RAB38: variants seen among roughly 807,000 people sequenced by gnomAD.
The protein encoded by RAB38 is RAB38, member RAS oncogene family, also known as ras-related protein Rab-38.
A neutral mutation model predicts 18.4 loss-of-function variants in RAB38; 15 were observed. The observed-to-expected ratio is 0.82, with a 90% CI of 0.55 to 1.26. The LOEUF is 1.26. RAB38 is among the 50% of genes most tolerant of loss of function. RAB38 has a pLI of 0.00. For missense variants in RAB38, 294 were observed against 267.4 expected (o/e 1.10, Z -0.69); for synonymous variants, 101 against 104.4 (o/e 0.97, Z 0.20).
At chr11:87,937,311 C>CATATATAT in the RAB38 span, among the ~76,000 whole-genome samples, 1,446 of 82,334 alleles carry the variant, frequency 0.018, 62 homozygotes, top group African/African-American at 0.024. Flanking sequence ...ACTTGGTCAT[C>CATATATAT]ATATATATAT....
chr11:88,168,153 T>C lies in RAB38; in HGVS notation c.202+7030A>G, dbSNP rs140180063. Among the ~76,000 whole-genome samples the C allele has an allele frequency of 1.8e-3, 281 of 152,318 alleles. 5 individuals are homozygous for C. In the East Asian group the frequency reaches 0.033, roughly 18 times the overall value. On this transcript the variant is annotated intron_variant, in intron 1 of 2. Transcript: ENST00000243662. ...TGTACCAGGTGTCATGTTCTACTTA[T>C]GCTTGGCCCAGCTTCCTCATCTATG...
the RAB38 span, among the ~76,000 whole-genome samples, chr11:88,008,671 G>A: frequency 6.6e-6 from 1 of 152,232 alleles, no homozygotes; most frequent in East Asian, 1.9e-4. Context: ...TGATATAACA[G>A]TTTCTTTTCT....
the RAB38 span, chr11:88,061,612 A>C: frequency 6.6e-6 from 1 of 152,152 alleles, no homozygotes; most frequent in Non-Finnish European, 1.5e-5. Context: ...CAATGGAAAG[A>C]AATTTTTTTT....
At chr11:88,022,611 C>CCAAAAA in the RAB38 span, among the ~76,000 whole-genome samples, 47 of 52,092 alleles carry the variant, frequency 9.0e-4, no homozygotes, top group African/African-American at 3.4e-3. Flanking sequence ...AAAGACCCCA[C>CCAAAAA]AAAAAAAAAA....
chr11:87,976,072 T>C, the RAB38 span, among the ~76,000 whole-genome samples: 1 of 150,546 alleles, frequency 6.6e-6, no homozygotes, highest in Non-Finnish European at 1.5e-5. Flanking sequence ...AACAAAAAAT[T>C]TCCCCCTCAA....
At chr11:88,043,676 T>C in the RAB38 span, among the ~76,000 whole-genome samples, 1 of 118,372 alleles carries the variant, frequency 8.4e-6, no homozygotes, top group Non-Finnish European at 1.7e-5. Flanking sequence ...TCTTATAAAA[T>C]GTCCCCACCC....
At chr11:88,107,829 C>A in the RAB38 span, among the ~76,000 whole-genome samples, 26 of 152,270 alleles carry the variant, frequency 1.7e-4, no homozygotes, top group Admixed American at 1.1e-3. Context: ...TCTTTGTTCT[C>A]ATTGGTTTCA....
the RAB38 span, among the ~76,000 whole-genome samples, chr11:88,015,814 C>G: frequency 6.6e-6 from 1 of 152,038 alleles, no homozygotes; most frequent in Non-Finnish European, 1.5e-5. Context: ...GGCTTTGGAG[C>G]CTTTGCATGA....
the RAB38 span, among the ~76,000 whole-genome samples, chr11:88,012,687 G>A: frequency 5.3e-5 from 8 of 152,116 alleles, no homozygotes; most frequent in South Asian, 2.1e-4. Context: ...ACAGCAATAA[G>A]CCTCTGAAAA....
the RAB38 span, among the ~76,000 whole-genome samples, chr11:88,075,486 A>C: frequency 6.6e-6 from 1 of 152,202 alleles, no homozygotes; most frequent in African/African-American, 2.4e-5. Context: ...AGTTTCTGAA[A>C]CAAATGAAAA....
At chr11:87,864,733 C>T in the RAB38 span, among the ~76,000 whole-genome samples, 1 of 151,736 alleles carries the variant, frequency 6.6e-6, no homozygotes, top group Non-Finnish European at 1.5e-5. Flanking sequence ...CTCAACACTA[C>T]ATGGGTGAAA....
At chr11:87,937,311 C>CATATATATATATAT in the RAB38 span, among the ~76,000 whole-genome samples, 270 of 82,622 alleles carry the variant, frequency 3.3e-3, 13 homozygotes, top group African/African-American at 4.1e-3. Flanking sequence ...ACTTGGTCAT[C>CATATATATATATAT]ATATATATAT....
the RAB38 span, among the ~76,000 whole-genome samples, chr11:87,837,036 T>A: frequency 6.6e-6 from 1 of 152,214 alleles, no homozygotes; most frequent in African/African-American, 2.4e-5. Context: ...AGATATCAAG[T>A]AATCCTCTTC....
chr11:88,145,185 A>C (rs12285001), intron 2 of RAB38, among the ~76,000 whole-genome samples: 2 of 151,328 alleles, frequency 1.3e-5, no homozygotes, highest in Non-Finnish European at 2.9e-5. Context: ...GTTTTGCTCA[A>C]GTCGCCCAGG....
chr11:87,907,221 T>A, the RAB38 span, among the ~76,000 whole-genome samples: 1 of 151,944 alleles, frequency 6.6e-6, no homozygotes, highest in African/African-American at 2.4e-5. Context: ...CTGTATATTG[T>A]CAAACAAAAA....
At chr11:88,039,895 A>G in the RAB38 span, among the ~76,000 whole-genome samples, 1 of 152,178 alleles carries the variant, frequency 6.6e-6, no homozygotes, top group East Asian at 1.9e-4. Flanking sequence ...TCTTTGCTGC[A>G]TCTGATCAGG....
chr11:87,909,385 C>T, the RAB38 span, among the ~76,000 whole-genome samples: 23 of 152,088 alleles, frequency 1.5e-4, no homozygotes, highest in South Asian at 4.2e-4. Flanking sequence ...TCATCTGTGA[C>T]GCAAATTCAT....
the RAB38 span, among the ~76,000 whole-genome samples, chr11:87,937,966 CTTT>C: frequency 1.5e-5 from 2 of 137,312 alleles, no homozygotes; most frequent in African/African-American, 5.4e-5. Context: ...TGTTGAATAT[CTTT>C]TTTATTCACT....
the RAB38 span, among the ~76,000 whole-genome samples, chr11:87,947,638 A>G: frequency 6.6e-6 from 1 of 152,114 alleles, no homozygotes; most frequent in African/African-American, 2.4e-5. Context: ...CCATTTATTA[A>G]ATAGGGAATC....
Sources: allele counts gnomAD v4.1 joint callset (sites outside exome capture counted in the v4.1 genomes callset), GRCh38; gene constraint gnomAD v4.1.1; transcripts MANE v1.5; gene names NCBI Gene and HGNC (gene_info 2026-07-23, HGNC 2026-07-21).